The following CCDC152 variants were observed in gnomAD, a reference collection of about 807,000 sequenced individuals.
The protein encoded by CCDC152 is coiled-coil domain-containing protein 152.
In CCDC152, 37 loss-of-function variants were observed where a neutral mutation model predicts 38.1. That is an observed-to-expected ratio of 0.97 (90% confidence interval 0.75 to 1.28). CCDC152 has a LOEUF of 1.28. Among genes scored for constraint, CCDC152 ranks in the 50% most tolerant of loss-of-function variants. The probability of loss-of-function intolerance (pLI) is 0.00; values close to 1 mark genes in which losing one functional copy is unlikely to be tolerated. For synonymous variants in CCDC152, 83 were observed against 87.1 expected (o/e 0.95, Z 0.26); for missense variants, 259 against 292.1 (o/e 0.89, Z 0.83).
chr5:42,793,340 T>A (rs1298140025), intron 6 of CCDC152, among the ~76,000 whole-genome samples: 1 of 152,156 alleles, frequency 6.6e-6, no homozygotes, highest in African/African-American at 2.4e-5. Context: ...TAGAAAAATT[T>A]TACCTGATCG....
chr5:42,779,549 T>A, intron 5 of CCDC152, 27 bp downstream of exon 5: 1 of 1,235,096 alleles, frequency 8.1e-7, no homozygotes, highest in Non-Finnish European at 1.1e-6. Flanking sequence ...TTCTATTCAG[T>A]CAAGTCCCTG....
intron 6 of CCDC152, among the ~76,000 whole-genome samples, chr5:42,786,749 A>G (rs1238149019): frequency 2.0e-5 from 3 of 151,912 alleles, no homozygotes; most frequent in Non-Finnish European, 4.4e-5. Flanking sequence ...TGGGTTGTTA[A>G]TGTTACATCT....
intron 6 of CCDC152, among the ~76,000 whole-genome samples, chr5:42,788,355 A>T (rs1168690225): frequency 6.6e-6 from 1 of 151,966 alleles, no homozygotes; most frequent in African/African-American, 2.4e-5. Context: ...AAACCCTCAA[A>T]GGCAGCTAGA....
chr5:42,764,531 T>G (rs954252712), intron 3 of CCDC152, among the ~76,000 whole-genome samples: 1 of 152,032 alleles, frequency 6.6e-6, no homozygotes, highest in Admixed American at 6.6e-5. Context: ...ATCCTCAAAG[T>G]ACTAGCAAAC....
rs201083965 is a variant in CCDC152 at position 42,795,930 on chromosome 5, G to A, written c.431-899G>A. Among the ~76,000 whole-genome samples the A allele has an allele frequency of 3.0e-3, 454 of 151,654 alleles. 8 individuals are homozygous for A. The highest frequency in any genetic ancestry group is 0.026 in the East Asian group (134 of 5,168). On this transcript the variant is annotated intron_variant, in intron 6 of 8. Coordinates refer to ENST00000361970, the MANE Select transcript of CCDC152 (RefSeq NM_001134848.2). ...CAGCCATAAAAAATGATGAGTTCAT[G>A]TCCTTTGTAGGGACATGGATGAAAT... is the stretch of plus-strand genomic sequence containing the variant.
rs1437574078 is a variant in CCDC152, at chr5:42,802,432, T to C, written c.*2651T>C. On this transcript the variant is annotated 3_prime_UTR_variant, in exon 9 of 9. Transcript: ENST00000361970. ...TTATAAATTCCATTAAATTTTAGCATACAACTACTAAGTGGTACTTTATTT... is the reference window on the plus strand; with the variant it reads ...TTATAAATTCCATTAAATTTTAGCACACAACTACTAAGTGGTACTTTATTT... The C allele has an allele frequency of 6.6e-6, 1 of 152,242 alleles. No homozygotes were observed. The highest frequency in any genetic ancestry group is 1.5e-5 in the Non-Finnish European group (1 of 68,032). The allele number at this position is 152,242 out of a possible 1,614,324, so 9.4% of individuals were successfully genotyped here.
intron 6 of CCDC152, among the ~76,000 whole-genome samples, chr5:42,790,850 C>T (rs554996893): frequency 6.6e-5 from 10 of 152,286 alleles, no homozygotes; most frequent in African/African-American, 2.4e-4. Flanking sequence ...ATGACCTCAG[C>T]ATAAACATGG....
intron 7 of CCDC152, 112 bp from the exon 8 acceptor site, chr5:42,799,263 T>A: frequency 1.7e-6 from 1 of 584,228 alleles, no homozygotes; most frequent in Non-Finnish European, 2.9e-6. Flanking sequence ...TATACTGTAA[T>A]TTACACCTGA....
chr5:42,759,086 T>C (rs1349264748), intron 1 of CCDC152, 34 bp from the exon 2 acceptor site: 1 of 1,370,236 alleles, frequency 7.3e-7, no homozygotes, highest in Non-Finnish European at 1.0e-6. Flanking sequence ...TCTTATTTAT[T>C]TATTTAACAC....
In CCDC152 at chr5:42,801,599, T is replaced by A; in HGVS notation, c.*1818T>A. On this transcript the variant is annotated 3_prime_UTR_variant, in exon 9 of 9. Coordinates refer to ENST00000361970, the MANE Select transcript of CCDC152 (RefSeq NM_001134848.2). ...AAAAGGAACTTGGATTGCAGGAAAGTCAAAGTAATATCAAATCCTAAATTC... is the reference window on the plus strand; with the variant it reads ...AAAAGGAACTTGGATTGCAGGAAAGACAAAGTAATATCAAATCCTAAATTC... 2.2e-6 allele frequency: 1 copy of A among 452,834 alleles called. No homozygotes were observed. Among genetic ancestry groups the A allele is most frequent in the African/African-American group, 2.0e-5 (1 of 49,538 alleles). 28.1% of individuals were successfully genotyped at this position (452,834 alleles called of 1,614,324 possible).
chr5:42,784,588 G>C (rs1579717471), intron 6 of CCDC152, among the ~76,000 whole-genome samples: 1 of 151,802 alleles, frequency 6.6e-6, no homozygotes, highest in African/African-American at 2.4e-5. Context: ...TGTTTCTTTT[G>C]CTGTACAGAA....
At position 42,760,831 on chromosome 5, in the gene CCDC152, G is replaced by C. The variant is rs2972997; in HGVS notation, c.88-1612G>C. 2.1e-3 allele frequency among the ~76,000 whole-genome samples: 318 copies of C among 152,282 alleles called. 2 individuals are homozygous for C. The highest frequency in any genetic ancestry group is 7.2e-3 in the African/African-American group (301 of 41,550). On this transcript the variant is annotated intron_variant, in intron 2 of 8. Coordinates refer to ENST00000361970, the MANE Select transcript of CCDC152 (RefSeq NM_001134848.2). ...ATTCCTAACATAATAAGAGATAAAAGAGAAAGGAATAAGAAGCATTTTTGG... is the reference window on the plus strand; with the variant it reads ...ATTCCTAACATAATAAGAGATAAAACAGAAAGGAATAAGAAGCATTTTTGG...
chr5:42,774,044 T>C (rs1759735281), intron 4 of CCDC152, among the ~76,000 whole-genome samples: 2 of 152,126 alleles, frequency 1.3e-5, no homozygotes, highest in African/African-American at 2.4e-5. Context: ...AAGTAAAACA[T>C]TGAGCAAACT....
At chr5:42,782,390 T>C (rs2973011) in intron 5 of CCDC152, among the ~76,000 whole-genome samples, 67,783 of 151,952 alleles carry the variant, frequency 0.45, 15,313 homozygotes, top group East Asian at 0.58. Context: ...TAAACCCTGG[T>C]AATGAGTATC....
In CCDC152 at chr5:42,799,641, A is replaced by G. The variant is rs544522947; in HGVS notation, c.643-18A>G. 93 of 1,521,412 alleles carry G rather than the reference A, an allele frequency of 6.1e-5. No homozygotes were observed. The African/African-American group carries it at 1.3e-3, about 21-fold the overall frequency. 94.2% of individuals were successfully genotyped at this position (1,521,412 alleles called of 1,614,324 possible). ...TTTTATTTCTGAATTCTAATAACAA[A>G]TTTTTTGTTTCGTTTAGAAACTTCA... On this transcript the variant is annotated intron_variant, in intron 8 of 8. Transcript: ENST00000361970.
At position 42,801,075 on chromosome 5, in the gene CCDC152, G is replaced by A; in HGVS notation, c.*1294G>A. On this transcript the variant is annotated 3_prime_UTR_variant, in exon 9 of 9. Transcript: ENST00000361970. ...TAAATCTTGTAAATCTTCACTTGCT[G>A]GCATATCTCGGTTCTCTGGGTGACC... 1 of 1,614,098 alleles carries A rather than the reference G, an allele frequency of 6.2e-7. No individual in the cohort carries two copies. The highest frequency in any genetic ancestry group is 2.2e-5 in the East Asian group (1 of 44,880).
intron 6 of CCDC152, among the ~76,000 whole-genome samples, chr5:42,789,042 A>T (rs1188196192): frequency 1.3e-5 from 2 of 152,268 alleles, no homozygotes; most frequent in Non-Finnish European, 2.9e-5. Context: ...GCATGCCTGC[A>T]TGAGCTAGCC....
At chr5:42,761,965 A>G (rs964044505) in intron 2 of CCDC152, among the ~76,000 whole-genome samples, 2 of 152,232 alleles carry the variant, frequency 1.3e-5, no homozygotes, top group African/African-American at 4.8e-5. Flanking sequence ...TGACAAGGAT[A>G]TGTTCTGAGA....
intron 2 of CCDC152, among the ~76,000 whole-genome samples, chr5:42,760,716 G>A (rs1224705061): frequency 1.3e-5 from 2 of 152,084 alleles, no homozygotes; most frequent in Non-Finnish European, 2.9e-5. Context: ...ACACACAAAT[G>A]TCATAATGAA....
Sources: allele counts gnomAD v4.1 joint callset (sites outside exome capture counted in the v4.1 genomes callset), GRCh38; gene constraint gnomAD v4.1.1; transcripts MANE v1.5; gene names NCBI Gene and HGNC (gene_info 2026-07-23, HGNC 2026-07-21).